GRM7: variants seen among roughly 807,000 people sequenced by gnomAD.
The protein encoded by GRM7 is glutamate metabotropic receptor 7, also known as metabotropic glutamate receptor 7.
GRM7 carries 35 observed loss-of-function variants against 84.5 expected under a neutral mutation model. That is an observed-to-expected ratio of 0.41 (90% CI 0.32 to 0.55). The LOEUF (loss-of-function observed/expected upper bound fraction) is 0.55. Among genes scored for constraint, GRM7 ranks in the 20% least tolerant of loss-of-function variants. The pLI is 0.19. For missense variants in GRM7, 1,003 were observed against 1,194.6 expected (o/e 0.84, Z 2.36); for synonymous variants, 487 against 455.1 (o/e 1.07, Z -0.89).
At chr3:7,064,505 C>CACATATACATATATATATACACATATAT (rs1553612672) in intron 1 of GRM7, among the ~76,000 whole-genome samples, 3 of 101,008 alleles carry the variant, frequency 3.0e-5, no homozygotes, top group African/African-American at 1.1e-4. Context: ...TATATATACA[C>CACATATACATATATATATACACATATAT]ATATATATAT....
intron 2 of GRM7, among the ~76,000 whole-genome samples, chr3:7,149,772 G>C (rs770125788): frequency 3.3e-5 from 5 of 152,174 alleles, no homozygotes; most frequent in Non-Finnish European, 7.3e-5. Flanking sequence ...TGCTTCACCA[G>C]ATTGGTAGAA....
intron 1 of GRM7, chr3:6,893,086 A>T (rs9862780): frequency 2.0e-5 from 3 of 152,108 alleles, no homozygotes; most frequent in Non-Finnish European, 4.4e-5. Context: ...ACCATTTTTT[A>T]ATCTCCACTA....
chr3:7,177,582 CAG>C (rs1333270050), intron 2 of GRM7, among the ~76,000 whole-genome samples: 17 of 144,616 alleles, frequency 1.2e-4, no homozygotes, highest in African/African-American at 4.4e-4. Context: ...AGGCGGGCGA[CAG>C]AGTGACATGG....
intron 8 of GRM7, among the ~76,000 whole-genome samples, chr3:7,642,855 C>T (rs1698426345): frequency 6.6e-6 from 1 of 152,026 alleles, no homozygotes; most frequent in Non-Finnish European, 1.5e-5. Context: ...AACAAATGAG[C>T]ACATGGTATG....
chr3:7,252,994 C>A (rs573908676), intron 2 of GRM7, among the ~76,000 whole-genome samples: 11 of 128,406 alleles, frequency 8.6e-5, no homozygotes, highest in Admixed American at 8.0e-4. Context: ...CTGGCCAATA[C>A]CAATTTCTGG....
At chr3:7,549,498 T>A (rs1575481246) in intron 7 of GRM7, among the ~76,000 whole-genome samples, 1 of 152,258 alleles carries the variant, frequency 6.6e-6, no homozygotes, top group East Asian at 1.9e-4. Flanking sequence ...AGCCTGTATG[T>A]GGGGAGAGGG....
intron 4 of GRM7, among the ~76,000 whole-genome samples, chr3:7,330,514 A>G (rs1032237396): frequency 6.6e-6 from 1 of 152,070 alleles, no homozygotes; most frequent in Admixed American, 6.6e-5. Flanking sequence ...TGTAATTCCC[A>G]CATGTTGTGT....
intron 1 of GRM7, among the ~76,000 whole-genome samples, chr3:6,991,076 A>G (rs1470239674): frequency 1.3e-5 from 2 of 152,000 alleles, no homozygotes; most frequent in East Asian, 1.9e-4. Flanking sequence ...CTTAATGCAT[A>G]CATACATACA....
chr3:7,412,034 C>T (rs888403373), intron 4 of GRM7, among the ~76,000 whole-genome samples: 19 of 149,954 alleles, frequency 1.3e-4, no homozygotes, highest in African/African-American at 4.4e-4. Context: ...CTCCTCTCTC[C>T]TCTCTCTCTC....
intron 4 of GRM7, among the ~76,000 whole-genome samples, chr3:7,352,410 A>G (rs532054893): frequency 8.5e-4 from 130 of 152,248 alleles, no homozygotes; most frequent in African/African-American, 3.0e-3. Context: ...AAGTAATAAA[A>G]TAAAAGGATA....
chr3:7,661,558 G>A (rs1458077890), intron 8 of GRM7, among the ~76,000 whole-genome samples: 4 of 151,986 alleles, frequency 2.6e-5, no homozygotes, highest in Admixed American at 6.6e-5. Context: ...ACTTTGGGAC[G>A]CCATGGCAGG....
intron 8 of GRM7, among the ~76,000 whole-genome samples, chr3:7,599,682 G>C (rs577887652): frequency 6.6e-6 from 1 of 152,118 alleles, no homozygotes; most frequent in Admixed American, 6.6e-5. Context: ...TATTACGGAG[G>C]GGGGATTGTC....
intron 4 of GRM7, among the ~76,000 whole-genome samples, chr3:7,378,126 C>G (rs990153353): frequency 9.9e-5 from 15 of 152,158 alleles, no homozygotes; most frequent in African/African-American, 3.6e-4. Context: ...CACACAGCCT[C>G]TTGGTGACTC....
intron 2 of GRM7, among the ~76,000 whole-genome samples, chr3:7,174,300 A>G (rs754202592): frequency 2.6e-5 from 4 of 152,232 alleles, no homozygotes; most frequent in Non-Finnish European, 5.9e-5. Context: ...GAGAGCCTAG[A>G]GTGATACTTT....
chr3:7,332,416 C>G (rs905665658), intron 4 of GRM7, among the ~76,000 whole-genome samples: 13 of 152,112 alleles, frequency 8.5e-5, no homozygotes, highest in African/African-American at 3.1e-4. Flanking sequence ...TTGAGAAAGG[C>G]AATGAAATAT....
chr3:7,722,166 A>G (rs764542376), intron 9 of GRM7, among the ~76,000 whole-genome samples: 10 of 152,222 alleles, frequency 6.6e-5, no homozygotes, highest in Admixed American at 3.3e-4. Context: ...CTGTCGAGAG[A>G]AAAGTACTTG....
chr3:7,078,214 T>C (rs1424003053), intron 1 of GRM7, among the ~76,000 whole-genome samples: 2 of 152,194 alleles, frequency 1.3e-5, no homozygotes, highest in African/African-American at 4.8e-5. Context: ...CTAGGCTTGA[T>C]TTCCTCAGTG....
In GRM7 at chr3:7,561,466, A is replaced by G. The variant is rs112086145; in HGVS notation, c.1516-16956A>G. 2.9e-4 allele frequency: 132 copies of G among 455,954 alleles called. 1 individual carries two copies. The highest frequency in any genetic ancestry group is 2.1e-3 in the African/African-American group (107 of 50,166). 28.2% of individuals were successfully genotyped at this position (455,954 alleles called of 1,614,324 possible). ...AGTGAATGGCCTTTGATTATGAGAT[A>G]GGAGAATTACAAGATGATGTTAGAA... On this transcript the variant is annotated intron_variant, in intron 7 of 9. Transcript: ENST00000357716.
Position 6,863,245 on chromosome 3 carries a change from C to A in GRM7, c.519+1338C>A, listed in dbSNP as rs1201238683. On this transcript the variant is annotated intron_variant, in intron 1 of 9. Transcript: ENST00000357716. This position sits in a 1 kb window ranked among gnomAD's most constrained non-coding sequence, Gnocchi z 4.8. ...AAAATGACCCTTTTCCAGTGCATAG[C>A]GGCTCTCTCCCTGGCTGGTGGTACC... Among the ~76,000 whole-genome samples the A allele has an allele frequency of 6.6e-6, 1 of 152,000 alleles. No individual in the cohort carries two copies. Among genetic ancestry groups the A allele is most frequent in the Non-Finnish European group, 1.5e-5 (1 of 68,016 alleles).
Sources: gnomAD v4.1 joint callset for allele counts (sites outside exome capture counted in the v4.1 genomes callset) on GRCh38, gnomAD v4.1.1 for gene constraint, Gnocchi (gnomAD v3.1) non-coding constraint, MANE v1.5 for transcripts, NCBI Gene and HGNC (gene_info 2026-07-23, HGNC 2026-07-21) for gene names.